SGCD: variants seen among roughly 807,000 people sequenced by gnomAD.
SGCD encodes delta-sarcoglycan.
In SGCD, 18 loss-of-function variants were observed where a neutral mutation model predicts 36.6. The ratio of observed to expected loss-of-function variants is 0.49; its 90% confidence interval spans 0.34 to 0.73. SGCD has a LOEUF of 0.73. SGCD is among the 30% of genes least tolerant of loss of function. The pLI, the probability that SGCD is intolerant of heterozygous loss-of-function variation, is 0.01. For missense variants in SGCD, 387 were observed against 346.7 expected, an observed-to-expected ratio of 1.12 and a Z score of -0.92; for synonymous variants, 133 against 130.6, an observed-to-expected ratio of 1.02 and a Z score of -0.12.
At chr5:155,760,053 ATT>A in the SGCD span, among the ~76,000 whole-genome samples, 1 of 152,064 alleles carries the variant, frequency 6.6e-6, no homozygotes, top group African/African-American at 2.4e-5. Context: ...TTATCTCACC[ATT>A]GTTATCATCA....
chr5:156,145,648 T>TA (rs1762692601), intron 3 of SGCD, among the ~76,000 whole-genome samples: 1 of 152,206 alleles, frequency 6.6e-6, no homozygotes, highest in African/African-American at 2.4e-5. Context: ...TTAGCAGTTC[T>TA]AGTAAGTATT....
At chr5:155,975,761 C>T (rs997399154) in intron 1 of SGCD, among the ~76,000 whole-genome samples, 1 of 150,706 alleles carries the variant, frequency 6.6e-6, no homozygotes, top group African/African-American at 2.4e-5. Flanking sequence ...TCCTGAGTAG[C>T]TTGGATTACA....
chr5:156,485,616 A>G lies in SGCD; in HGVS notation c.193-22985A>G, dbSNP rs558343466. 5.3e-5 allele frequency among the ~76,000 whole-genome samples: 8 copies of G among 152,230 alleles called. No homozygotes were observed. In the East Asian group the frequency reaches 1.4e-3, roughly 26 times the overall value. ...AGGTGGAGGCTGCAGTGATCACGCC[A>G]TTGCACTCTAGCCTGGATGGCAGAG... On this transcript the variant is annotated intron_variant, in intron 3 of 8. Transcript: ENST00000337851.
intron 3 of SGCD, among the ~76,000 whole-genome samples, chr5:156,365,153 A>G (rs1770025008): frequency 6.6e-6 from 1 of 152,260 alleles, no homozygotes; most frequent in Non-Finnish European, 1.5e-5. Flanking sequence ...TCAAGCACAT[A>G]CAAAGATGCT....
chr5:156,587,625 C>T (rs1407836392), intron 4 of SGCD, among the ~76,000 whole-genome samples: 2 of 152,194 alleles, frequency 1.3e-5, no homozygotes, highest in African/African-American at 2.4e-5. Context: ...ATCCAGTCTG[C>T]ATCCCCACCA....
At chr5:156,282,407 G>T (rs1334799898) in intron 3 of SGCD, among the ~76,000 whole-genome samples, 2 of 152,150 alleles carry the variant, frequency 1.3e-5, no homozygotes, top group African/African-American at 4.8e-5. Flanking sequence ...CAGCAGAGTT[G>T]CTGGGAAGTG....
At position 156,344,689 on chromosome 5, in the gene SGCD, C is replaced by T. The variant is rs1258274458; in HGVS notation, c.192+12C>T. 5 of 1,584,388 alleles carry T rather than the reference C, an allele frequency of 3.2e-6. No individual in the cohort carries two copies. Among genetic ancestry groups the T allele is most frequent in the South Asian group, 2.3e-5 (2 of 85,730 alleles). ...TGAACTTCACAATTGTAAGTAAAAC[C>T]ATCTAGGTTTGTTTAGCTTTCTTCC... On this transcript the variant is annotated intron_variant, in intron 3 of 8. Transcript: ENST00000337851.
chr5:156,053,674 T>C (rs1759980408), intron 1 of SGCD, among the ~76,000 whole-genome samples: 2 of 146,116 alleles, frequency 1.4e-5, no homozygotes, highest in South Asian at 4.3e-4. Flanking sequence ...TGGCAAATGT[T>C]GGTACCACAT....
Position 156,056,645 on chromosome 5 carries a change from TAAAAAA to T in SGCD, c.-281-61218_-281-61213del, listed in dbSNP as rs561328077. Reference sequence around the variant, plus strand: ...GGTCCCCTACCTGCCAAATTATCCTTAAAAAAAAAAAAAAAAAAAACAGTCTCCAAA... The same window carrying T: ...GGTCCCCTACCTGCCAAATTATCCTTAAAAAAAAAAAAAACAGTCTCCAAA... On this transcript the variant is annotated intron_variant, in intron 1 of 9. Coordinates refer to the SGCD transcript ENST00000517913. Among the ~76,000 whole-genome samples, 265 of 68,288 alleles carry T rather than the reference TAAAAAA, an allele frequency of 3.9e-3. 12 individuals are homozygous for T. Among genetic ancestry groups the T allele is most frequent in the African/African-American group, 0.018 (259 of 14,072 alleles). 44.8% of individuals were successfully genotyped at this position (68,288 alleles called of 152,430 possible).
intron 3 of SGCD, among the ~76,000 whole-genome samples, chr5:156,282,018 G>C (rs374684509): frequency 6.6e-6 from 1 of 151,320 alleles, no homozygotes; most frequent in Non-Finnish European, 1.5e-5. Context: ...GGGACAGAGC[G>C]AGACTCCATA....
chr5:156,542,400 T>C (rs1758384085), intron 4 of SGCD, among the ~76,000 whole-genome samples: 1 of 152,218 alleles, frequency 6.6e-6, no homozygotes, highest in South Asian at 2.1e-4. Context: ...TTGGATATAT[T>C]AAACATAGTC....
intron 4 of SGCD, among the ~76,000 whole-genome samples, chr5:156,577,376 G>C (rs925440592): frequency 7.2e-5 from 11 of 152,102 alleles, no homozygotes; most frequent in African/African-American, 2.7e-4. Flanking sequence ...TGTTCTTTTT[G>C]CTTAGGATTG....
chr5:156,750,408 G>A (rs540213761), intron 7 of SGCD, among the ~76,000 whole-genome samples: 69 of 152,098 alleles, frequency 4.5e-4, no homozygotes, highest in African/African-American at 1.3e-3. Flanking sequence ...AATGACAGTC[G>A]CGCGCAGTGG....
intron 1 of SGCD, among the ~76,000 whole-genome samples, chr5:156,116,295 T>C (rs1321291693): frequency 6.6e-6 from 1 of 152,102 alleles, no homozygotes; most frequent in African/African-American, 2.4e-5. Context: ...CATTTGCAGT[T>C]ATTATTCTTG....
chr5:156,207,762 G>C (rs896207767), intron 3 of SGCD, among the ~76,000 whole-genome samples: 2 of 152,038 alleles, frequency 1.3e-5, no homozygotes, highest in Non-Finnish European at 2.9e-5. Flanking sequence ...AGGAGCCAGA[G>C]GCAGAAAGAA....
intron 4 of SGCD, among the ~76,000 whole-genome samples, chr5:156,554,054 A>C (rs766811732): frequency 1.3e-5 from 2 of 152,170 alleles, no homozygotes; most frequent in Non-Finnish European, 2.9e-5. Flanking sequence ...AAGTGAGTGC[A>C]GTGCAATAAG....
At chr5:156,649,699 G>T (rs558062883) in intron 7 of SGCD, among the ~76,000 whole-genome samples, 88 of 151,092 alleles carry the variant, frequency 5.8e-4, no homozygotes, top group Middle Eastern at 6.8e-3. Flanking sequence ...CATCACACAC[G>T]GGGGCCTGTT....
chr5:156,224,638 G>T (rs1182986644), intron 3 of SGCD, among the ~76,000 whole-genome samples: 1 of 152,104 alleles, frequency 6.6e-6, no homozygotes, highest in African/African-American at 2.4e-5. Context: ...AACTGTGTGT[G>T]GAGGAAAGGT....
At chr5:155,973,014 T>C (rs1333956817) in intron 1 of SGCD, among the ~76,000 whole-genome samples, 1 of 152,168 alleles carries the variant, frequency 6.6e-6, no homozygotes, top group Non-Finnish European at 1.5e-5. Flanking sequence ...TTTTATGATA[T>C]CTTGTGCCAT....
Sources: gnomAD v4.1 joint callset for allele counts (sites outside exome capture counted in the v4.1 genomes callset) on GRCh38, gnomAD v4.1.1 for gene constraint, MANE v1.5 for transcripts, NCBI Gene and HGNC (gene_info 2026-07-23, HGNC 2026-07-21) for gene names.